USH2A: variants seen among roughly 807,000 people sequenced by gnomAD.
USH2A encodes Usher syndrome 2A (autosomal recessive, mild).
A neutral mutation model predicts 538.9 loss-of-function variants in USH2A; 443 were observed. The ratio of observed to expected loss-of-function variants is 0.82; its 90% CI spans 0.76 to 0.89. The LOEUF (loss-of-function observed/expected upper bound fraction) is 0.89. Among genes scored for constraint, USH2A ranks in the 40% least tolerant of loss-of-function variants. USH2A has a pLI of 0.00. For missense variants in USH2A, 6,633 were observed against 6,324.8 expected (o/e 1.05, Z -1.65); for synonymous variants, 2,413 against 2,273.5 (o/e 1.06, Z -1.75).
intron 3 of USH2A, among the ~76,000 whole-genome samples, chr1:216,408,449 T>C (rs1010294698): frequency 6.6e-6 from 1 of 152,172 alleles, no homozygotes; most frequent in Admixed American, 6.6e-5. Flanking sequence ...GCTATGTTTT[T>C]TCCTATACAT....
intron 35 of USH2A, among the ~76,000 whole-genome samples, chr1:215,989,909 G>A (rs1237149878): frequency 1.3e-5 from 2 of 152,266 alleles, no homozygotes; most frequent in Middle Eastern, 6.8e-3. Context: ...GATGATAACC[G>A]AGGCAGTGGA....
At chr1:215,863,038 T>C (rs1244365945) in intron 44 of USH2A, among the ~76,000 whole-genome samples, 1 of 152,140 alleles carries the variant, frequency 6.6e-6, no homozygotes, top group East Asian at 1.9e-4. Context: ...GAAAGAACTT[T>C]GAGAAACATC....
At chr1:216,244,069 C>T (rs1280585869) in intron 13 of USH2A, among the ~76,000 whole-genome samples, 1 of 147,126 alleles carries the variant, frequency 6.8e-6, no homozygotes, top group Non-Finnish European at 1.5e-5. Flanking sequence ...CACTGATGCT[C>T]ATGTCAACTT....
At chr1:216,281,100 T>C (rs2036766267) in intron 11 of USH2A, among the ~76,000 whole-genome samples, 1 of 152,184 alleles carries the variant, frequency 6.6e-6, no homozygotes, top group Admixed American at 6.6e-5. Context: ...TGACACAATA[T>C]CTCCACATGT....
At chr1:216,048,752 A>G (rs1466851092) in intron 30 of USH2A, 105 bp from the exon 31 acceptor site, 1 of 956,306 alleles carries the variant, frequency 1.0e-6, no homozygotes, top group Non-Finnish European at 1.7e-6. Context: ...AGAGACAAAA[A>G]CAAAGAGACC....
chr1:216,282,166 CA>C (rs371591359), intron 11 of USH2A, among the ~76,000 whole-genome samples: 7 of 152,068 alleles, frequency 4.6e-5, no homozygotes, highest in African/African-American at 1.4e-4. Flanking sequence ...ATATACTTTG[CA>C]ACTAATTCTT....
At chr1:215,815,034 C>T (rs1419689661) in intron 48 of USH2A, among the ~76,000 whole-genome samples, 1 of 152,036 alleles carries the variant, frequency 6.6e-6, no homozygotes, top group Non-Finnish European at 1.5e-5. Flanking sequence ...TTTAAACCCG[C>T]AATACAAGTC....
In USH2A at chr1:216,323,571, T is replaced by C. The variant is rs772852977; in HGVS notation, c.1453A>G (p.Ile485Val). Reference protein sequence around the residue: ...SLQEFVKATQIRFHFHGQYYT... With the variant: ...SLQEFVKATQVRFHFHGQYYT... Reference sequence around the variant, plus strand: ...TACTGCCCATGAAAATGAAACCTTATTTGCGTGGCTTTTACGAACTCTTGA... The same window carrying C: ...TACTGCCCATGAAAATGAAACCTTACTTGCGTGGCTTTTACGAACTCTTGA... The change falls in exon 8 of 72, where the codon ATA becomes GTA. Residue 485 changes from isoleucine to valine, a missense_variant. Coordinates refer to ENST00000307340, the MANE Select transcript of USH2A (RefSeq NM_206933.4). 27 of 1,613,614 alleles carry C rather than the reference T, an allele frequency of 1.7e-5. No homozygotes were observed. The Middle Eastern group carries it at 5.0e-4, about 30-fold the overall frequency.
Position 215,628,805 on chromosome 1 carries a change from C to T in USH2A, c.15519+9G>A. On this transcript the variant is annotated intron_variant, in intron 71 of 71. Coordinates refer to ENST00000307340, the MANE Select transcript of USH2A (RefSeq NM_206933.4). ...TTAGCAAAGGCCCTGTATGAGGAAA[C>T]CAACTCACCAGTCCACTGTTGTGGC... 1 of 1,613,978 alleles carries T rather than the reference C, an allele frequency of 6.2e-7. No individual in the cohort carries two copies. The highest frequency in any genetic ancestry group is 8.5e-7 in the Non-Finnish European group (1 of 1,179,892).
At chr1:216,321,824 T>C (rs1401905144) in intron 9 of USH2A, 59 bp downstream of exon 9, 1 of 1,435,730 alleles carries the variant, frequency 7.0e-7, no homozygotes, top group Non-Finnish European at 9.8e-7. Flanking sequence ...TTCATAGAAT[T>C]TATAGTCACC....
At chr1:216,418,801 G>T in intron 2 of USH2A, 122 bp from the exon 3 acceptor site, 1 of 933,834 alleles carries the variant, frequency 1.1e-6, no homozygotes, top group Non-Finnish European at 1.7e-6. Context: ...GGTGTACTAT[G>T]AATAAGTGCC....
At position 216,209,296 on chromosome 1, in the gene USH2A, T is replaced by A. The variant is rs117889558; in HGVS notation, c.3158-1865A>T. On this transcript the variant is annotated intron_variant, in intron 15 of 71. Transcript: ENST00000307340. ...TACATGGACACAGGGAGCGGGGAATTAAATATCCTGACTTCCTTTTCCACC... is the reference window on the plus strand; with the variant it reads ...TACATGGACACAGGGAGCGGGGAATAAAATATCCTGACTTCCTTTTCCACC... Among the ~76,000 whole-genome samples, 15 of 152,254 alleles carry A rather than the reference T, an allele frequency of 9.9e-5. No individual in the cohort carries two copies. The East Asian group carries it at 2.9e-3, about 29-fold the overall frequency.
At chr1:216,371,442 A>AT (rs1341910844) in intron 3 of USH2A, among the ~76,000 whole-genome samples, 3 of 152,194 alleles carry the variant, frequency 2.0e-5, no homozygotes, top group African/African-American at 7.2e-5. Context: ...TGCAGGCTAG[A>AT]TTTTTGGCAA....
At chr1:215,912,514 T>TATATATATATAC (rs1331146980) in intron 38 of USH2A, among the ~76,000 whole-genome samples, 3 of 20,572 alleles carry the variant, frequency 1.5e-4, no homozygotes, top group African/African-American at 2.0e-4. Context: ...TATATATACG[T>TATATATATATAC]GTATATATAT....
At chr1:216,388,201 A>T (rs1258844549) in intron 3 of USH2A, among the ~76,000 whole-genome samples, 1 of 152,238 alleles carries the variant, frequency 6.6e-6, no homozygotes. Context: ...AGACAAGAGC[A>T]TCTGTCCAAA....
chr1:215,887,108 C>T (rs1303934740), intron 41 of USH2A, among the ~76,000 whole-genome samples: 2 of 152,194 alleles, frequency 1.3e-5, no homozygotes, highest in South Asian at 2.1e-4. Context: ...CTGCCTGCCT[C>T]GGCCTCCCAA....
intron 3 of USH2A, among the ~76,000 whole-genome samples, chr1:216,399,965 T>C (rs570800171): frequency 3.8e-4 from 58 of 151,934 alleles, no homozygotes; most frequent in African/African-American, 1.3e-3. Flanking sequence ...TGAATTTGGA[T>C]CCAGAGTCTC....
chr1:216,163,771 AT>A (rs549031039), intron 21 of USH2A, among the ~76,000 whole-genome samples: 47 of 151,736 alleles, frequency 3.1e-4, no homozygotes, highest in African/African-American at 1.0e-3. Flanking sequence ...CTAGACTCTA[AT>A]TTTTTGCCTG....
intron 50 of USH2A, among the ~76,000 whole-genome samples, chr1:215,793,208 T>C (rs1166673418): frequency 6.6e-6 from 1 of 152,158 alleles, no homozygotes; most frequent in Non-Finnish European, 1.5e-5. Context: ...ACTGCAAAAC[T>C]GGGATTCCAC....
Sources: allele counts gnomAD v4.1 joint callset (sites outside exome capture counted in the v4.1 genomes callset), GRCh38; gene constraint gnomAD v4.1.1; transcripts MANE v1.5; gene names NCBI Gene and HGNC (gene_info 2026-07-23, HGNC 2026-07-21).